KIF19: variants seen among roughly 807,000 people sequenced by gnomAD.
The protein encoded by KIF19 is kinesin-like protein KIF19.
In KIF19, 98 loss-of-function variants were observed where a neutral mutation model predicts 106.6. The observed-to-expected ratio is 0.92, with a 90% CI of 0.78 to 1.09. The LOEUF is 1.09. Ranked by LOEUF, KIF19 falls within the 50% of genes least tolerant of loss-of-function variation. The pLI is 0.00. For missense variants in KIF19, 1,373 were observed against 1,414.3 expected (o/e 0.97, Z 0.47); for synonymous variants, 516 against 584.2 (o/e 0.88, Z 1.68).
At chr17:74,339,638 C>T (rs1413958897) in intron 2 of KIF19, among the ~76,000 whole-genome samples, 1 of 148,656 alleles carries the variant, frequency 6.7e-6, no homozygotes, top group Non-Finnish European at 1.5e-5. Context: ...GTCATGCACT[C>T]CGTTCAGCAC....
rs780352621 is a variant in KIF19 at position 74,352,122 on chromosome 17, C to T, written c.1843C>T (p.Arg615Trp). The T allele has an allele frequency of 2.7e-5, 43 of 1,582,012 alleles. No homozygotes were observed. Among genetic ancestry groups the T allele is most frequent in the Non-Finnish European group, 3.6e-5 (42 of 1,161,500 alleles). The change falls in exon 13 of 20, where the codon CGG (arginine) becomes TGG (tryptophan). Residue 615 changes from arginine to tryptophan, a missense_variant. Coordinates refer to ENST00000389916, the MANE Select transcript of KIF19 (RefSeq NM_153209.4). ...CTGCGACGAGATTATCCAGGGCCAGCGGCAGATCATCGACGGTAGGGCCCA... is the reference window on the plus strand; with the variant it reads ...CTGCGACGAGATTATCCAGGGCCAGTGGCAGATCATCGACGGTAGGGCCCA... ...SLCDEIIQGQ[R>W]QIIDDYNLAV...
intron 2 of KIF19, among the ~76,000 whole-genome samples, chr17:74,334,426 C>A (rs972396565): frequency 6.6e-6 from 1 of 152,022 alleles, no homozygotes; most frequent in Non-Finnish European, 1.5e-5. Context: ...ATCTGCAGAC[C>A]CTTTGAGAGA....
rs755361220 is a variant in KIF19, at chr17:74,331,652, C to T, written c.120+3147C>T. On this transcript the variant is annotated intron_variant, in intron 2 of 19. Transcript: ENST00000389916. This position sits in a 1 kb window ranked among gnomAD's most constrained non-coding sequence, Gnocchi z 4.1. ...AGTACAGTGGTGCAATCTTGGCTCACTGCAACCTCCGCCTCCTGGATTCAA... is the reference window on the plus strand; with the variant it reads ...AGTACAGTGGTGCAATCTTGGCTCATTGCAACCTCCGCCTCCTGGATTCAA... 6.6e-6 allele frequency among the ~76,000 whole-genome samples: 1 copy of T among 151,872 alleles called. No homozygotes were observed. Among genetic ancestry groups the T allele is most frequent in the Non-Finnish European group, 1.5e-5 (1 of 67,984 alleles).
chr17:74,328,388 C>T, intron 1 of KIF19, 37 bp from the exon 2 acceptor site: 1 of 1,574,822 alleles, frequency 6.3e-7, no homozygotes, highest in East Asian at 2.3e-5. Flanking sequence ...GCATGGTCCT[C>T]TCCCTCTAAT....
chr17:74,355,208 G>C lies in KIF19; in HGVS notation c.2893G>C (p.Val965Leu), dbSNP rs2054846741. ...CCCGGGGGACTCCTCACCCCTGGCTGTTCCCCCCAACCCAGGTGGTGGTTC... is the reference window on the plus strand; with the variant it reads ...CCCGGGGGACTCCTCACCCCTGGCTCTTCCCCCCAACCCAGGTGGTGGTTC... The part of the protein sequence containing the change: ...TGPGDSSPLA[V>L]PPNPGGGSRR... The change falls in exon 20 of 20, where the codon GTT (valine) becomes CTT (leucine). Residue 965 changes from valine to leucine, a missense_variant. Transcript: ENST00000389916. The C allele has an allele frequency of 6.2e-7, 1 of 1,610,078 alleles. No individual in the cohort carries two copies. The highest frequency in any genetic ancestry group is 1.1e-5 in the South Asian group (1 of 90,752).
intron 2 of KIF19, among the ~76,000 whole-genome samples, chr17:74,330,258 G>T (rs998773387): frequency 2.0e-5 from 3 of 152,196 alleles, no homozygotes; most frequent in African/African-American, 7.2e-5. Context: ...TGTGCAGCCT[G>T]GGGGGTTGCT....
chr17:74,331,037 G>A lies in KIF19; in HGVS notation c.120+2532G>A, dbSNP rs2054063706. ...TGGGACCCTTCTAGTAACAAACACTGTCCCTCTGACAAATAAATGCCTGGC... is the reference window on the plus strand; with the variant it reads ...TGGGACCCTTCTAGTAACAAACACTATCCCTCTGACAAATAAATGCCTGGC... On this transcript the variant is annotated intron_variant, in intron 2 of 19. Transcript: ENST00000389916. This position sits in a 1 kb window ranked among gnomAD's most constrained non-coding sequence, Gnocchi z 4.1. 6.6e-6 allele frequency among the ~76,000 whole-genome samples: 1 copy of A among 152,188 alleles called. No homozygotes were observed. Among genetic ancestry groups the A allele is most frequent in the Non-Finnish European group, 1.5e-5 (1 of 68,036 alleles).
chr17:74,353,581 G>T lies in KIF19; in HGVS notation c.2308G>T (p.Glu770Ter). Reference sequence around the variant, plus strand: ...GTCGGAGATCCCCTTGTCCCACAAAGGTATGTGTGCCCTCTGCTGCCCGGC... The same window carrying T: ...GTCGGAGATCCCCTTGTCCCACAAATGTATGTGTGCCCTCTGCTGCCCGGC... ...NLSEIPLSHKERKEILTGTKC... is the reference protein window; with the variant it reads ...NLSEIPLSHK Residue 770 changes from glutamate (E) to a stop codon, truncating the protein, a stop_gained and splice_region_variant, in exon 17 of 20, where the codon GAG (glutamate) becomes TAG (stop). Transcript: ENST00000389916. LOFTEE classifies it high-confidence loss of function. 1 of 1,612,502 alleles carries T rather than the reference G, an allele frequency of 6.2e-7. No homozygotes were observed. The highest frequency in any genetic ancestry group is 8.5e-7 in the Non-Finnish European group (1 of 1,178,816).
chr17:74,326,440 T>TCCTC (rs1284171479), intron 1 of KIF19, 52 bp downstream of exon 1: 1 of 1,577,840 alleles, frequency 6.3e-7, no homozygotes, highest in Admixed American at 1.7e-5. Context: ...TCTACTTCAG[T>TCCTC]CGGCCTCCAG....
chr17:74,338,248 T>G (rs541885928), intron 2 of KIF19, among the ~76,000 whole-genome samples: 1 of 152,324 alleles, frequency 6.6e-6, no homozygotes, highest in East Asian at 1.9e-4. Flanking sequence ...GGGTTCTGGT[T>G]GCATCCCATG....
In KIF19 at chr17:74,349,219, C is replaced by G; in HGVS notation, c.1083C>G (p.Ile361Met). Residue 361 changes from isoleucine to methionine, a missense_variant, in exon 10 of 20, where the codon ATC (isoleucine) becomes ATG (methionine). This residue lies in a region of KIF19 where 1,020 missense variants were observed against 1,008.2 expected (regional missense o/e 1.01). Coordinates refer to ENST00000389916, the MANE Select transcript of KIF19 (RefSeq NM_153209.4). ...KQNLLNVSYH[I>M]AQYTSIIADL... is the part of the protein sequence containing the mutation. ...ACCTCCTGAACGTCTCCTACCACAT[C>G]GCCCAGTACACCAGCATCATCGCTG... is the stretch of plus-strand genomic sequence containing the variant. 6.2e-7 allele frequency: 1 copy of G among 1,613,844 alleles called. No homozygotes were observed. The highest frequency in any genetic ancestry group is 2.2e-5 in the East Asian group (1 of 44,884).
At position 74,326,257 on chromosome 17, in the gene KIF19, A is replaced by G; in HGVS notation, c.-93A>G. On this transcript the variant is annotated 5_prime_UTR_variant, in exon 1 of 20. Transcript: ENST00000389916. ...TCAGGCAGCGCGCGAGGCGGCGGGC[A>G]GCTAGCAGCTGGCGGACGCGACCCG... is the stretch of plus-strand genomic sequence containing the variant. The G allele has an allele frequency of 1.7e-6, 2 of 1,176,166 alleles. No individual in the cohort carries two copies. The highest frequency in any genetic ancestry group is 1.4e-5 in the South Asian group (1 of 69,604). The allele number at this position is 1,176,166 out of a possible 1,614,324, so 72.9% of individuals were successfully genotyped here. A position where few individuals can be genotyped will look rare whatever the true frequency, so the allele number is the denominator to read the frequency against.
chr17:74,353,899 A>G (rs761515368), intron 17 of KIF19, among the ~76,000 whole-genome samples: 1 of 152,194 alleles, frequency 6.6e-6, no homozygotes, highest in Non-Finnish European at 1.5e-5. Context: ...TATCGATTCA[A>G]TGTCTGCCCC....
intron 10 of KIF19, among the ~76,000 whole-genome samples, chr17:74,349,891 C>T (rs60759816): frequency 0.018 from 2,728 of 151,986 alleles, 101 homozygotes; most frequent in African/African-American, 0.063. Context: ...CTCTGCCTCC[C>T]GGGTTCAAGC....
At chr17:74,345,228 C>T (rs894103410) in intron 7 of KIF19, among the ~76,000 whole-genome samples, 2 of 151,280 alleles carry the variant, frequency 1.3e-5, no homozygotes, top group East Asian at 1.9e-4. Context: ...TAGGGCATCC[C>T]GGGAAGAGCC....
intron 15 of KIF19, 49 bp downstream of exon 15, chr17:74,353,003 G>C (rs1368625373): frequency 2.5e-6 from 4 of 1,607,846 alleles, no homozygotes; most frequent in Non-Finnish European, 3.4e-6. Flanking sequence ...CCCTGTCCCA[G>C]AGAGGCCAAC....
intron 2 of KIF19, among the ~76,000 whole-genome samples, chr17:74,341,084 C>T (rs558427486): frequency 6.6e-6 from 1 of 152,280 alleles, no homozygotes; most frequent in African/African-American, 2.4e-5. Flanking sequence ...CCTATAATCC[C>T]AGCATTTTGG....
At chr17:74,327,579 T>G (rs1355217502) in intron 1 of KIF19, among the ~76,000 whole-genome samples, 2 of 152,200 alleles carry the variant, frequency 1.3e-5, no homozygotes, top group East Asian at 3.9e-4. Context: ...TTCAAGCGAT[T>G]CTCCTGCTTC....
At chr17:74,348,969 A>C in intron 9 of KIF19, 3 of 572,334 alleles carry the variant, frequency 5.2e-6, no homozygotes, top group Non-Finnish European at 6.2e-6. Flanking sequence ...GGGTGGAGGA[A>C]TGAGGACGTT....
Sources: allele counts gnomAD v4.1 joint callset (sites outside exome capture counted in the v4.1 genomes callset), GRCh38; gene constraint gnomAD v4.1.1; regional missense constraint gnomAD v4.1.1; non-coding constraint Gnocchi (gnomAD v3.1); transcripts MANE v1.5; gene names NCBI Gene and HGNC (gene_info 2026-07-23, HGNC 2026-07-21).